Variants in EPHA3 observed in about 807,000 individuals in gnomAD.
EPHA3 encodes the protein ephrin type-A receptor 3.
In EPHA3, 42 loss-of-function variants were observed where a neutral mutation model predicts 107.1. The ratio of observed to expected loss-of-function variants is 0.39; its 90% CI spans 0.31 to 0.51. EPHA3 has a LOEUF of 0.51. Among genes scored for constraint, EPHA3 ranks in the 20% least tolerant of loss-of-function variants. The pLI is 0.78. For missense variants in EPHA3, 1,183 were observed against 1,211.2 expected (o/e 0.98, Z 0.35); for synonymous variants, 461 against 424.8 (o/e 1.09, Z -1.05).
At chr3:89,460,534 A>C (rs1710204253) in intron 15 of EPHA3, among the ~76,000 whole-genome samples, 1 of 151,158 alleles carries the variant, frequency 6.6e-6, no homozygotes, top group South Asian at 2.1e-4. Context: ...AAAATAAACA[A>C]TACTCATATT....
chr3:89,441,267 G>T (rs1169759058), intron 13 of EPHA3, among the ~76,000 whole-genome samples: 2 of 152,150 alleles, frequency 1.3e-5, no homozygotes, highest in Non-Finnish European at 2.9e-5. Flanking sequence ...CTGGCTGAAG[G>T]TTTGGCACTG....
At chr3:89,117,091 G>A (rs989457487) in intron 1 of EPHA3, among the ~76,000 whole-genome samples, 1 of 151,836 alleles carries the variant, frequency 6.6e-6, no homozygotes, top group Non-Finnish European at 1.5e-5. Flanking sequence ...GAGAATTGTG[G>A]GTTAATTTTA....
At chr3:89,466,418 C>G (rs1303345464) in intron 15 of EPHA3, among the ~76,000 whole-genome samples, 1 of 115,814 alleles carries the variant, frequency 8.6e-6, no homozygotes, top group Admixed American at 8.4e-5. Context: ...TGGCGGGCGC[C>G]CCTCCCCCAG....
chr3:89,349,450 T>G (rs1162285838), intron 5 of EPHA3, among the ~76,000 whole-genome samples: 3 of 145,134 alleles, frequency 2.1e-5, no homozygotes, highest in African/African-American at 7.8e-5. Flanking sequence ...CCTGCCTTTT[T>G]TTGTTTTCCA....
chr3:89,426,694 T>C (rs1709464499), intron 11 of EPHA3, among the ~76,000 whole-genome samples: 2 of 151,838 alleles, frequency 1.3e-5, no homozygotes, highest in Non-Finnish European at 2.9e-5. Flanking sequence ...GTCTGAGTAG[T>C]ATAAAAATGC....
At chr3:89,359,760 C>CATATACACACAT (rs1708048113) in intron 5 of EPHA3, among the ~76,000 whole-genome samples, 1 of 137,264 alleles carries the variant, frequency 7.3e-6, no homozygotes, top group Non-Finnish European at 1.6e-5. Flanking sequence ...CATATATACA[C>CATATACACACAT]ATATATACAC....
At chr3:89,241,465 C>T (rs1266052577) in intron 3 of EPHA3, among the ~76,000 whole-genome samples, 7 of 152,148 alleles carry the variant, frequency 4.6e-5, no homozygotes, top group African/African-American at 1.7e-4. Flanking sequence ...CATCTACTAA[C>T]AACGCCAATA....
intron 15 of EPHA3, among the ~76,000 whole-genome samples, chr3:89,458,166 A>G (rs1223212799): frequency 6.6e-6 from 1 of 152,202 alleles, no homozygotes; most frequent in Non-Finnish European, 1.5e-5. Context: ...GGGGCTGTGG[A>G]GCCAATCAGT....
At chr3:89,253,205 T>C (rs1401196682) in intron 3 of EPHA3, among the ~76,000 whole-genome samples, 2 of 152,150 alleles carry the variant, frequency 1.3e-5, no homozygotes, top group African/African-American at 4.8e-5. Context: ...TATAATATTT[T>C]ATACCTTTTT....
chr3:89,216,560 G>T (rs1163751234), intron 3 of EPHA3, among the ~76,000 whole-genome samples: 1 of 152,006 alleles, frequency 6.6e-6, no homozygotes, highest in Non-Finnish European at 1.5e-5. Flanking sequence ...GGACCCTAAA[G>T]AAAGTCTTGA....
chr3:89,302,968 C>A (rs1706526243), intron 3 of EPHA3, among the ~76,000 whole-genome samples: 1 of 152,126 alleles, frequency 6.6e-6, no homozygotes. Context: ...TCAGGGCTCA[C>A]AGCAACCTTG....
intron 5 of EPHA3, among the ~76,000 whole-genome samples, chr3:89,365,709 A>T (rs1290244479): frequency 6.6e-6 from 1 of 150,678 alleles, no homozygotes; most frequent in East Asian, 1.9e-4. Context: ...CCTACTTAGC[A>T]TCAACAATAC....
chr3:89,157,712 C>T (rs1704837826), intron 2 of EPHA3, among the ~76,000 whole-genome samples: 1 of 151,956 alleles, frequency 6.6e-6, no homozygotes, highest in African/African-American at 2.4e-5. Context: ...AATTGTCCTA[C>T]AGGTACTAAT....
At chr3:89,337,164 T>C (rs1011759712) in intron 3 of EPHA3, among the ~76,000 whole-genome samples, 1 of 152,236 alleles carries the variant, frequency 6.6e-6, no homozygotes, top group Non-Finnish European at 1.5e-5. Context: ...TTGGAATAGA[T>C]GACAAAGTCT....
chr3:89,205,545 G>A (rs1321112962), intron 2 of EPHA3, among the ~76,000 whole-genome samples: 1 of 152,072 alleles, frequency 6.6e-6, no homozygotes, highest in Non-Finnish European at 1.5e-5. Context: ...AGAGAAAGAT[G>A]AAAATACAAG....
intron 2 of EPHA3, among the ~76,000 whole-genome samples, chr3:89,186,467 C>T (rs964982097): frequency 2.9e-4 from 44 of 152,002 alleles, no homozygotes; most frequent in African/African-American, 8.7e-4. Context: ...AAAGTCAAAA[C>T]GGCTTCAATT....
rs1280248293 is a variant in EPHA3 at position 89,480,655 on chromosome 3, A to T, written c.*1153A>T. 1 of 232,710 alleles carries T rather than the reference A, an allele frequency of 4.3e-6. No homozygotes were observed. Among genetic ancestry groups the T allele is most frequent in the East Asian group, 6.1e-5 (1 of 16,448 alleles). 14.4% of individuals were successfully genotyped at this position (232,710 alleles called of 1,614,324 possible). A position where few individuals can be genotyped will look rare whatever the true frequency, so the allele number is the denominator to read the frequency against. Reference sequence around the variant, plus strand: ...ACAATTACTGGCTCACTGGCTTTGAAAAGTCACTTACTATTGTTGCTGAAA... The same window carrying T: ...ACAATTACTGGCTCACTGGCTTTGATAAGTCACTTACTATTGTTGCTGAAA... On this transcript the variant is annotated 3_prime_UTR_variant, in exon 17 of 17. Transcript: ENST00000336596.
At position 89,361,245 on chromosome 3, in the gene EPHA3, G is replaced by T. The variant is rs76593752; in HGVS notation, c.1306+19155G>T. On this transcript the variant is annotated intron_variant, in intron 5 of 16. Coordinates refer to ENST00000336596, the MANE Select transcript of EPHA3 (RefSeq NM_005233.6). ...CCTTTCTTTGGAAATAAAGACCTATGAATTCCTAATCTATACTTTTTGTTA... is the reference window on the plus strand; with the variant it reads ...CCTTTCTTTGGAAATAAAGACCTATTAATTCCTAATCTATACTTTTTGTTA... Among the ~76,000 whole-genome samples, 9 of 151,122 alleles carry T rather than the reference G, an allele frequency of 6.0e-5. No individual in the cohort carries two copies. The East Asian group carries it at 1.7e-3, about 29-fold the overall frequency.
At chr3:89,476,841 C>T (rs1710524516) in intron 16 of EPHA3, among the ~76,000 whole-genome samples, 1 of 151,756 alleles carries the variant, frequency 6.6e-6, no homozygotes, top group Non-Finnish European at 1.5e-5. Flanking sequence ...CTCTCCTGAC[C>T]TCGTGATTCA....
Sources: gnomAD v4.1 joint callset for allele counts (sites outside exome capture counted in the v4.1 genomes callset) on GRCh38, gnomAD v4.1.1 for gene constraint, MANE v1.5 for transcripts, NCBI Gene and HGNC (gene_info 2026-07-23, HGNC 2026-07-21) for gene names.